Variants in TMPRSS11A observed in about 807,000 individuals in gnomAD.
The protein encoded by TMPRSS11A is transmembrane protease serine 11A.
A neutral mutation model predicts 58.9 loss-of-function variants in TMPRSS11A; 53 were observed. The ratio of observed to expected loss-of-function variants is 0.90; its 90% confidence interval spans 0.72 to 1.13. The LOEUF (loss-of-function observed/expected upper bound fraction) is 1.13, where lower values mean the gene tolerates loss of function less well. TMPRSS11A is among the 50% of genes most tolerant of loss of function. The pLI is 0.00. For synonymous variants in TMPRSS11A, 167 were observed against 169.8 expected, an observed-to-expected ratio of 0.98 and a Z score of 0.13; for missense variants, 493 against 499.3, an observed-to-expected ratio of 0.99 and a Z score of 0.12.
At chr4:67,945,507 T>C (rs6552132) in intron 2 of TMPRSS11A, among the ~76,000 whole-genome samples, 100,740 of 152,134 alleles carry the variant, frequency 0.66, 37,234 homozygotes, top group Non-Finnish European at 0.83. Flanking sequence ...ATCCATACTG[T>C]TAACAAACCT....
intron 3 of TMPRSS11A, among the ~76,000 whole-genome samples, chr4:67,935,949 C>T (rs1487228120): frequency 6.6e-6 from 1 of 152,018 alleles, no homozygotes; most frequent in African/African-American, 2.4e-5. Context: ...CATATATGCA[C>T]CAAGCACAGA....
At position 67,910,487 on chromosome 4, in the gene TMPRSS11A, A is replaced by G. The variant is rs939566071; in HGVS notation, c.*855T>C. Reference sequence around the variant, plus strand: ...ATTTAACCCTACAATAATAATGCACAAAATTTCCCCCTTGTGGTCAAAATA... The same window carrying G: ...ATTTAACCCTACAATAATAATGCACGAAATTTCCCCCTTGTGGTCAAAATA... On this transcript the variant is annotated 3_prime_UTR_variant, in exon 10 of 10. Transcript: ENST00000508048. The G allele has an allele frequency of 2.0e-5, 3 of 152,100 alleles. No individual in the cohort carries two copies. Among genetic ancestry groups the G allele is most frequent in the African/African-American group, 7.2e-5 (3 of 41,448 alleles). 9.4% of individuals were successfully genotyped at this position (152,100 alleles called of 1,614,324 possible). A position where few individuals can be genotyped will look rare whatever the true frequency, so the allele number is the denominator to read the frequency against.
chr4:67,961,471 C>T (rs1447620116), intron 1 of TMPRSS11A, among the ~76,000 whole-genome samples: 1 of 131,832 alleles, frequency 7.6e-6, no homozygotes, highest in Non-Finnish European at 1.6e-5. Flanking sequence ...TCTTTCCTTT[C>T]CTTTTCTTTT....
chr4:67,919,014 A>T lies in TMPRSS11A; in HGVS notation c.911T>A (p.Leu304Ter). 1 of 1,614,162 alleles carries T rather than the reference A, an allele frequency of 6.2e-7. No individual in the cohort carries two copies. The highest frequency in any genetic ancestry group is 8.5e-7 in the Non-Finnish European group (1 of 1,180,012). The change falls in exon 8 of 10, where the codon TTG (leucine) becomes TAG (stop). Residue 304 changes from leucine to a stop codon, truncating the protein, a stop_gained. Transcript: ENST00000508048. LOFTEE classifies it high-confidence loss of function. ...TCCAAATCCTGTGATGTGGACAGTCAAATTTGGTTGGAAGGATGCAGAGGC... is the reference window on the plus strand; with the variant it reads ...TCCAAATCCTGTGATGTGGACAGTCTAATTTGGTTGGAAGGATGCAGAGGC... ...PEASASFQPN[L>*]TVHITGFGAL...
intron 1 of TMPRSS11A, among the ~76,000 whole-genome samples, chr4:67,953,110 T>C (rs78837434): frequency 0.014 from 2,083 of 152,264 alleles, 56 homozygotes; most frequent in African/African-American, 0.047. Flanking sequence ...CATGCCTCTA[T>C]GGGAAGCTAA....
intron 5 of TMPRSS11A, among the ~76,000 whole-genome samples, chr4:67,928,169 C>A (rs1332688220): frequency 6.6e-6 from 1 of 152,160 alleles, no homozygotes; most frequent in Non-Finnish European, 1.5e-5. Flanking sequence ...CTCAGTCTCC[C>A]AAGTAGCTGG....
chr4:67,921,659 TTTATGCTCC>T (rs1240181578), intron 7 of TMPRSS11A, among the ~76,000 whole-genome samples: 1 of 152,182 alleles, frequency 6.6e-6, no homozygotes, highest in Non-Finnish European at 1.5e-5. Flanking sequence ...TCTATAAAGA[TTTATGCTCC>T]TAGGCAAATG....
chr4:67,927,718 C>G (rs1720511366), intron 5 of TMPRSS11A, among the ~76,000 whole-genome samples: 1 of 152,244 alleles, frequency 6.6e-6, no homozygotes, highest in Non-Finnish European at 1.5e-5. Flanking sequence ...TCCCATATCA[C>G]TAACAAACAC....
At chr4:67,949,366 G>A (rs1474483905) in intron 1 of TMPRSS11A, among the ~76,000 whole-genome samples, 1 of 152,178 alleles carries the variant, frequency 6.6e-6, no homozygotes, top group Non-Finnish European at 1.5e-5. Flanking sequence ...GGAAAATGGT[G>A]GCCAGCAGAC....
At chr4:67,947,086 T>C (rs533602591) in intron 1 of TMPRSS11A, among the ~76,000 whole-genome samples, 146 of 152,298 alleles carry the variant, frequency 9.6e-4, no homozygotes, top group African/African-American at 3.1e-3. Context: ...AAAATTTTAC[T>C]GTATTTGGCT....
intron 5 of TMPRSS11A, 106 bp from the exon 6 acceptor site, chr4:67,924,272 T>C (rs1323813731): frequency 3.2e-6 from 3 of 924,802 alleles, no homozygotes; most frequent in African/African-American, 1.6e-5. Flanking sequence ...TTCTAGACAG[T>C]TGAACATATA....
chr4:67,939,618 T>C (rs1031221107), intron 3 of TMPRSS11A, among the ~76,000 whole-genome samples: 1 of 152,192 alleles, frequency 6.6e-6, no homozygotes, highest in Non-Finnish European at 1.5e-5. Flanking sequence ...GTTTTTATTA[T>C]GAAGGGATGT....
At chr4:67,919,937 T>C (rs1720276167) in intron 7 of TMPRSS11A, among the ~76,000 whole-genome samples, 1 of 152,184 alleles carries the variant, frequency 6.6e-6, no homozygotes, top group Non-Finnish European at 1.5e-5. Context: ...TTAAATTTTA[T>C]TGAAGTGATA....
At chr4:67,915,376 T>C (rs976122153) in intron 8 of TMPRSS11A, among the ~76,000 whole-genome samples, 1 of 152,038 alleles carries the variant, frequency 6.6e-6, no homozygotes, top group African/African-American at 2.4e-5. Flanking sequence ...TACCAAACCA[T>C]ATATTGATTG....
rs748975914 is a variant in TMPRSS11A at position 67,931,983 on chromosome 4, A to G, written c.320+10T>C. Reference sequence around the variant, plus strand: ...GTCTTGTGATTCCACCTTTGCCCAAACATACATACGTCAGTCTGACTACTT... The same window carrying G: ...GTCTTGTGATTCCACCTTTGCCCAAGCATACATACGTCAGTCTGACTACTT... On this transcript the variant is annotated intron_variant, in intron 4 of 9. Coordinates refer to ENST00000508048, the MANE Select transcript of TMPRSS11A (RefSeq NM_001114387.2). 3.8e-6 allele frequency: 6 copies of G among 1,570,900 alleles called. No individual in the cohort carries two copies. The East Asian group carries it at 1.1e-4, about 29-fold the overall frequency.
intron 5 of TMPRSS11A, among the ~76,000 whole-genome samples, chr4:67,928,364 AG>A (rs2109746374): frequency 6.6e-6 from 1 of 152,344 alleles, no homozygotes; most frequent in South Asian, 2.1e-4. Context: ...CTCTCAAATC[AG>A]GTTCTCCATT....
At position 67,910,607 on chromosome 4, in the gene TMPRSS11A, T is replaced by C. The variant is rs1465910991; in HGVS notation, c.*735A>G. The C allele has an allele frequency of 6.6e-6, 1 of 152,096 alleles. No homozygotes were observed. Among genetic ancestry groups the C allele is most frequent in the Non-Finnish European group, 1.5e-5 (1 of 67,948 alleles). 9.4% of individuals were successfully genotyped at this position (152,096 alleles called of 1,614,324 possible). A position where few individuals can be genotyped will look rare whatever the true frequency, so the allele number is the denominator to read the frequency against. On this transcript the variant is annotated 3_prime_UTR_variant, in exon 10 of 10. Coordinates refer to ENST00000508048, the MANE Select transcript of TMPRSS11A (RefSeq NM_001114387.2). Reference sequence around the variant, plus strand: ...TTCTCCCAAATTTTTAACAAATATATAGTTTTGATTAACTAATCACTCTAT... The same window carrying C: ...TTCTCCCAAATTTTTAACAAATATACAGTTTTGATTAACTAATCACTCTAT...
intron 3 of TMPRSS11A, among the ~76,000 whole-genome samples, chr4:67,933,952 A>G (rs1720690980): frequency 6.6e-6 from 1 of 152,300 alleles, no homozygotes; most frequent in African/African-American, 2.4e-5. Context: ...TTGACTCTGG[A>G]TGACATCATC....
chr4:67,922,065 G>A (rs1478666430), intron 7 of TMPRSS11A, among the ~76,000 whole-genome samples: 1 of 152,190 alleles, frequency 6.6e-6, no homozygotes, highest in Non-Finnish European at 1.5e-5. Context: ...AGCACAATTT[G>A]CTATTCTTCA....
Sources: allele counts gnomAD v4.1 joint callset (sites outside exome capture counted in the v4.1 genomes callset), GRCh38; gene constraint gnomAD v4.1.1; transcripts MANE v1.5; gene names NCBI Gene and HGNC (gene_info 2026-07-23, HGNC 2026-07-21).